The following PPP1R9A variants were observed in gnomAD, a reference collection of about 807,000 sequenced individuals.
PPP1R9A encodes protein phosphatase 1 regulatory subunit 9A.
PPP1R9A carries 59 observed loss-of-function variants against 141.9 expected under a neutral mutation model. That is an observed-to-expected ratio of 0.42 (90% CI 0.34 to 0.52). The LOEUF (loss-of-function observed/expected upper bound fraction) is 0.52, where lower values mean the gene tolerates loss of function less well. Among genes scored for constraint, PPP1R9A ranks in the 20% least tolerant of loss-of-function variants. The probability of loss-of-function intolerance (pLI) is 0.10; values close to 1 mark genes in which losing one functional copy is unlikely to be tolerated. For synonymous variants in PPP1R9A, 500 were observed against 569.7 expected (o/e 0.88, Z 1.74); for missense variants, 1,444 against 1,611.9 (o/e 0.90, Z 1.78).
chr7:94,948,464 A>G (rs959646318), intron 2 of PPP1R9A, among the ~76,000 whole-genome samples: 2 of 152,032 alleles, frequency 1.3e-5, no homozygotes, highest in Non-Finnish European at 2.9e-5. Context: ...TAGTGGTCAT[A>G]TGCCTGATGT....
At chr7:95,066,190 A>G (rs1028442194) in intron 2 of PPP1R9A, among the ~76,000 whole-genome samples, 2 of 152,156 alleles carry the variant, frequency 1.3e-5, no homozygotes, top group Admixed American at 1.3e-4. Context: ...ACTTAGCGGT[A>G]TTTGCACAGA....
intron 4 of PPP1R9A, among the ~76,000 whole-genome samples, chr7:95,140,962 C>T (rs1412524188): frequency 2.0e-5 from 3 of 152,150 alleles, no homozygotes; most frequent in South Asian, 2.1e-4. Flanking sequence ...TTAAGCAATC[C>T]GCCTGCCCTG....
At chr7:95,123,766 T>G (rs1823054578) in intron 4 of PPP1R9A, among the ~76,000 whole-genome samples, 1 of 152,214 alleles carries the variant, frequency 6.6e-6, no homozygotes, top group Admixed American at 6.5e-5. Context: ...TTCAACAAAT[T>G]ACTTAATTTT....
Position 95,071,333 on chromosome 7 carries a change from A to G in PPP1R9A, c.1396-39926A>G, listed in dbSNP as rs192403311. Reference sequence around the variant, plus strand: ...TTGTAATATAGTGAGAGAAACTAGGAAACAAGCTCACTAGGGTGATATTGA... The same window carrying G: ...TTGTAATATAGTGAGAGAAACTAGGGAACAAGCTCACTAGGGTGATATTGA... On this transcript the variant is annotated intron_variant, in intron 2 of 19. Coordinates refer to ENST00000433360, the MANE Select transcript of PPP1R9A (RefSeq NM_001166160.2). Among the ~76,000 whole-genome samples the G allele has an allele frequency of 3.9e-3, 596 of 152,160 alleles. 23 individuals carry two copies. Among genetic ancestry groups the G allele is most frequent in the East Asian group, 0.038 (195 of 5,190 alleles).
intron 2 of PPP1R9A, among the ~76,000 whole-genome samples, chr7:95,025,054 A>G (rs952903586): frequency 6.6e-6 from 1 of 151,732 alleles, no homozygotes; most frequent in African/African-American, 2.4e-5. Flanking sequence ...TTGGCTGGGT[A>G]TGAAATTCTG....
intron 5 of PPP1R9A, among the ~76,000 whole-genome samples, chr7:95,167,534 G>A (rs1395584918): frequency 6.6e-6 from 1 of 152,132 alleles, no homozygotes; most frequent in Non-Finnish European, 1.5e-5. Flanking sequence ...CATAGTACTG[G>A]AAGTCCTAGC....
At chr7:95,199,929 G>A (rs189920053) in intron 6 of PPP1R9A, among the ~76,000 whole-genome samples, 32 of 151,934 alleles carry the variant, frequency 2.1e-4, no homozygotes, top group Admixed American at 1.2e-3. Context: ...TGATTTTTGC[G>A]TCCTCACTGT....
intron 16 of PPP1R9A, among the ~76,000 whole-genome samples, chr7:95,277,603 A>T (rs570291956): frequency 1.3e-4 from 19 of 151,952 alleles, no homozygotes; most frequent in African/African-American, 3.9e-4. Context: ...CTTAAAAAAA[A>T]AATTGTAGAG....
intron 3 of PPP1R9A, among the ~76,000 whole-genome samples, chr7:95,118,821 A>C (rs1821980807): frequency 1.3e-5 from 2 of 151,274 alleles, no homozygotes; most frequent in Non-Finnish European, 2.9e-5. Context: ...AAAAAAAAAA[A>C]AAACACAAAA....
At chr7:95,107,894 T>A (rs1819781655) in intron 2 of PPP1R9A, among the ~76,000 whole-genome samples, 1 of 152,182 alleles carries the variant, frequency 6.6e-6, no homozygotes, top group Non-Finnish European at 1.5e-5. Context: ...AGGATTTTAA[T>A]CCAGGGAAAT....
At chr7:95,107,329 T>G (rs1412177037) in intron 2 of PPP1R9A, among the ~76,000 whole-genome samples, 2 of 152,184 alleles carry the variant, frequency 1.3e-5, no homozygotes, top group Non-Finnish European at 2.9e-5. Context: ...GGTCATACTT[T>G]CTGCTAATCT....
At chr7:94,989,106 G>T (rs1208435018) in intron 2 of PPP1R9A, among the ~76,000 whole-genome samples, 1 of 151,994 alleles carries the variant, frequency 6.6e-6, no homozygotes, top group Non-Finnish European at 1.5e-5. Context: ...AGGTCTAAAT[G>T]TAGCCTGAGA....
intron 8 of PPP1R9A, among the ~76,000 whole-genome samples, chr7:95,246,565 A>G (rs577133089): frequency 6.6e-6 from 1 of 152,274 alleles, no homozygotes; most frequent in African/African-American, 2.4e-5. Flanking sequence ...AGTGCCTCCA[A>G]AGACCCTGCT....
chr7:95,271,608 A>G (rs1022152820), intron 14 of PPP1R9A, among the ~76,000 whole-genome samples: 3 of 152,220 alleles, frequency 2.0e-5, no homozygotes, highest in Non-Finnish European at 4.4e-5. Flanking sequence ...CCCATTATAA[A>G]GGAAGAGATA....
intron 16 of PPP1R9A, among the ~76,000 whole-genome samples, chr7:95,282,009 G>T (rs2153074676): frequency 6.6e-6 from 1 of 152,216 alleles, no homozygotes; most frequent in African/African-American, 2.4e-5. Flanking sequence ...TACACAGCTA[G>T]AGCTTTCTAG....
intron 6 of PPP1R9A, chr7:95,202,533 T>G: frequency 1.3e-6 from 1 of 750,318 alleles, no homozygotes; most frequent in Non-Finnish European, 1.6e-6. Flanking sequence ...GTTTTTTTTT[T>G]CTTTCTTTCT....
chr7:94,948,835 A>G (rs1796158790), intron 2 of PPP1R9A, among the ~76,000 whole-genome samples: 1 of 152,080 alleles, frequency 6.6e-6, no homozygotes, highest in Admixed American at 6.6e-5. Flanking sequence ...TCTGGGGACA[A>G]TGTATTTCCC....
At chr7:94,954,567 A>T (rs1334068090) in intron 2 of PPP1R9A, among the ~76,000 whole-genome samples, 1 of 151,874 alleles carries the variant, frequency 6.6e-6, no homozygotes, top group Non-Finnish European at 1.5e-5. Flanking sequence ...TATGAACAGC[A>T]TATCAATAGA....
At chr7:94,981,065 T>C (rs1800047968) in intron 2 of PPP1R9A, among the ~76,000 whole-genome samples, 1 of 152,110 alleles carries the variant, frequency 6.6e-6, no homozygotes, top group South Asian at 2.1e-4. Flanking sequence ...TAGAGAATAA[T>C]GGGAGATGGT....
Sources: allele counts gnomAD v4.1 joint callset (sites outside exome capture counted in the v4.1 genomes callset), GRCh38; gene constraint gnomAD v4.1.1; transcripts MANE v1.5; gene names NCBI Gene and HGNC (gene_info 2026-07-23, HGNC 2026-07-21).